The following COL28A1 variants were observed in gnomAD, a reference collection of about 807,000 sequenced individuals.
COL28A1 encodes collagen alpha-1(XXVIII) chain.
A neutral mutation model predicts 150.2 loss-of-function variants in COL28A1; 161 were observed. That is an observed-to-expected ratio of 1.07 (90% CI 0.94 to 1.22). The LOEUF is 1.22. Ranked by LOEUF, COL28A1 falls within the 50% of genes most tolerant of loss-of-function variation. The pLI is 0.00. For synonymous variants in COL28A1, 552 were observed against 469.7 expected, an observed-to-expected ratio of 1.18 and a Z score of -2.26; for missense variants, 1,617 against 1,388.3, an observed-to-expected ratio of 1.16 and a Z score of -2.62.
chr7:7,343,433 A>G, the COL28A1 span, among the ~76,000 whole-genome samples: 4,395 of 152,066 alleles, frequency 0.029, 108 homozygotes, highest in Non-Finnish European at 0.046. Flanking sequence ...CGTGCTAGAC[A>G]AGGTCTTCTG....
intron 13 of COL28A1, 148 bp from the exon 14 acceptor site, chr7:7,477,328 G>A (rs889496542): frequency 4.4e-5 from 27 of 610,326 alleles, no homozygotes; most frequent in South Asian, 3.8e-4. Flanking sequence ...TACTAAACAT[G>A]TACAGGCTTT....
chr7:7,460,402 G>A (rs576978207), intron 15 of COL28A1, among the ~76,000 whole-genome samples: 1 of 151,698 alleles, frequency 6.6e-6, no homozygotes, highest in Admixed American at 6.6e-5. Flanking sequence ...TTTTTTTAGA[G>A]ATGGAGTCTT....
intron 21 of COL28A1, among the ~76,000 whole-genome samples, chr7:7,440,553 C>G (rs1785693419): frequency 6.6e-6 from 1 of 152,192 alleles, no homozygotes; most frequent in South Asian, 2.1e-4. Flanking sequence ...AGAGGACTGA[C>G]AGACAAATTA....
At chr7:7,486,554 A>G in intron 13 of COL28A1, among the ~76,000 whole-genome samples, 1 of 152,254 alleles carries the variant, frequency 6.6e-6, no homozygotes, top group Non-Finnish European at 1.5e-5. Flanking sequence ...ACTATTACGC[A>G]TAATGTTAGC....
intron 23 of COL28A1, 70 bp downstream of exon 23, chr7:7,436,325 A>T: frequency 1.2e-6 from 1 of 856,236 alleles, no homozygotes; most frequent in African/African-American, 1.7e-5. Flanking sequence ...AGAAAAATCA[A>T]CTTATGCATT....
Position 7,400,978 on chromosome 7 carries a change from GTGTGTGTGT to G in COL28A1, c.2136+16872_2136+16880del, listed in dbSNP as rs1783153230. Among the ~76,000 whole-genome samples the G allele has an allele frequency of 4.1e-3, 330 of 81,282 alleles. 2 individuals carry two copies. The highest frequency in any genetic ancestry group is 0.012 in the African/African-American group (299 of 25,128). The allele number at this position is 81,282 out of a possible 152,430, so 53.3% of individuals were successfully genotyped here. ...CCATAGGACGTGTGGGTATTTGGGT[GTGTGTGTGT>G]GTGTGTGTGTGTGTGTGTGTGTGTG... On this transcript the variant is annotated intron_variant, in intron 27 of 34. Transcript: ENST00000399429.
chr7:7,444,525 T>G (rs1786101487), intron 18 of COL28A1, 36 bp from the exon 19 acceptor site: 1 of 1,599,134 alleles, frequency 6.3e-7, no homozygotes, highest in Non-Finnish European at 8.6e-7. Context: ...TCCCTAAAGT[T>G]CATACCTCCA....
intron 13 of COL28A1, among the ~76,000 whole-genome samples, chr7:7,478,147 A>C (rs1248104114): frequency 6.6e-6 from 1 of 152,120 alleles, no homozygotes; most frequent in Non-Finnish European, 1.5e-5. Context: ...CACATTAACT[A>C]GATACAGAGT....
rs551758049 is a variant in COL28A1 at position 7,461,284 on chromosome 7, G to A, written c.1303-5172C>T. ...GCCATCTCTGCCTCACATCACTGGGGTCCTTGAGGATGGCTGCCAGAGGCA... is the reference window on the plus strand; with the variant it reads ...GCCATCTCTGCCTCACATCACTGGGATCCTTGAGGATGGCTGCCAGAGGCA... On this transcript the variant is annotated intron_variant, in intron 15 of 34. Coordinates refer to ENST00000399429, the MANE Select transcript of COL28A1 (RefSeq NM_001037763.3). Among the ~76,000 whole-genome samples, 600 of 152,314 alleles carry A rather than the reference G, an allele frequency of 3.9e-3. 3 individuals carry two copies. The highest frequency in any genetic ancestry group is 8.6e-3 in the Admixed American group (132 of 15,304).
At chr7:7,359,173 T>C (rs1478830432) in intron 34 of COL28A1, among the ~76,000 whole-genome samples, 2 of 152,120 alleles carry the variant, frequency 1.3e-5, no homozygotes, top group East Asian at 3.8e-4. Context: ...ATCAAATTAA[T>C]ATTTGGAATA....
chr7:7,434,381 T>G (rs954502328), intron 23 of COL28A1, among the ~76,000 whole-genome samples: 1 of 152,146 alleles, frequency 6.6e-6, no homozygotes, highest in Non-Finnish European at 1.5e-5. Flanking sequence ...AGGATGAAGC[T>G]CTAAACATCT....
At chr7:7,397,554 T>C (rs1354999462) in intron 27 of COL28A1, among the ~76,000 whole-genome samples, 4 of 152,154 alleles carry the variant, frequency 2.6e-5, no homozygotes, top group Admixed American at 6.5e-5. Context: ...TACACTTCCA[T>C]TTAGATCATA....
At chr7:7,486,984 T>G (rs1472789419) in intron 13 of COL28A1, among the ~76,000 whole-genome samples, 1 of 152,154 alleles carries the variant, frequency 6.6e-6, no homozygotes, top group Non-Finnish European at 1.5e-5. Context: ...TTCTTCCTCT[T>G]CTATTGTCTG....
chr7:7,515,776 T>G (rs1781382032), intron 8 of COL28A1, 38 bp downstream of exon 8: 2 of 890,784 alleles, frequency 2.2e-6, no homozygotes, highest in East Asian at 4.8e-5. Context: ...TTTTTCTTTT[T>G]GAAATTCTGG....
chr7:7,347,835 T>C, the COL28A1 span, among the ~76,000 whole-genome samples: 1 of 151,856 alleles, frequency 6.6e-6, no homozygotes, highest in Non-Finnish European at 1.5e-5. Flanking sequence ...ACATAAGGTG[T>C]GGAGGGGATG....
intron 9 of COL28A1, among the ~76,000 whole-genome samples, chr7:7,510,126 T>C (rs1349816856): frequency 6.6e-6 from 1 of 152,240 alleles, no homozygotes; most frequent in African/African-American, 2.4e-5. Context: ...ATGATGTTAA[T>C]AGTTCTTAAT....
intron 13 of COL28A1, among the ~76,000 whole-genome samples, chr7:7,478,493 C>T (rs1384942559): frequency 6.6e-6 from 1 of 152,272 alleles, no homozygotes; most frequent in East Asian, 1.9e-4. Context: ...CCCAGTGGAT[C>T]TCGCATGGGC....
chr7:7,528,137 G>A (rs149708138), intron 3 of COL28A1, among the ~76,000 whole-genome samples: 71 of 151,870 alleles, frequency 4.7e-4, no homozygotes, highest in African/African-American at 1.6e-3. Flanking sequence ...TTTAAAAATC[G>A]TTCAGAAAAA....
chr7:7,450,570 G>C (rs1048260568), intron 18 of COL28A1, among the ~76,000 whole-genome samples: 2 of 152,146 alleles, frequency 1.3e-5, no homozygotes, highest in African/African-American at 2.4e-5. Flanking sequence ...CCTACTGCTA[G>C]CAGGAAGGTA....
Sources: allele counts gnomAD v4.1 joint callset (sites outside exome capture counted in the v4.1 genomes callset), GRCh38; gene constraint gnomAD v4.1.1; transcripts MANE v1.5; gene names NCBI Gene and HGNC (gene_info 2026-07-23, HGNC 2026-07-21).